Variants in CFAP44 observed in about 807,000 individuals in gnomAD.
The protein encoded by CFAP44 is cilia- and flagella-associated protein 44.
A neutral mutation model predicts 216.2 loss-of-function variants in CFAP44; 134 were observed. That is an observed-to-expected ratio of 0.62 (90% CI 0.54 to 0.72). The LOEUF is 0.72. Among genes scored for constraint, CFAP44 ranks in the 30% least tolerant of loss-of-function variants. The pLI is 0.00. For missense variants in CFAP44, 2,035 were observed against 2,182.1 expected (o/e 0.93, Z 1.34); for synonymous variants, 700 against 727.6 (o/e 0.96, Z 0.61).
intron 6 of CFAP44, among the ~76,000 whole-genome samples, chr3:113,416,299 G>C (rs1934645023): frequency 6.6e-6 from 1 of 151,950 alleles, no homozygotes; most frequent in African/African-American, 2.4e-5. Flanking sequence ...ACACCAATGG[G>C]TCTTGACTCC....
chr3:113,311,809 G>A lies in CFAP44; in HGVS notation c.4517-3541C>T, dbSNP rs896674624. The stretch of plus-strand genomic sequence containing the variant: ...TGACTTTGACCAAAAGTCTGATAGT[G>A]ATATGGACAATAAGGTCCAGGCTGA... On this transcript the variant is annotated intron_variant, in intron 28 of 34. Transcript: ENST00000393845. Among the ~76,000 whole-genome samples, 73 of 152,292 alleles carry A rather than the reference G, an allele frequency of 4.8e-4. 1 individual carries two copies. The highest frequency in any genetic ancestry group is 1.6e-3 in the African/African-American group (67 of 41,538).
At chr3:113,296,918 C>T in intron 32 of CFAP44, 33 bp from the exon 33 acceptor site, 1 of 1,536,622 alleles carries the variant, frequency 6.5e-7, no homozygotes, top group South Asian at 1.2e-5. Flanking sequence ...TCAGGTTGTT[C>T]AATGGCTCCC....
chr3:113,412,942 T>C (rs571145929), intron 6 of CFAP44, among the ~76,000 whole-genome samples: 1 of 152,194 alleles, frequency 6.6e-6, no homozygotes, highest in Non-Finnish European at 1.5e-5. Flanking sequence ...CCTTGAGGAA[T>C]CGCCATACTG....
rs1270498763 is a variant in CFAP44 at position 113,309,455 on chromosome 3, CT to C, written c.4517-1188del. Among the ~76,000 whole-genome samples the C allele has an allele frequency of 2.4e-4, 36 of 152,136 alleles. 2 individuals carry two copies. The highest frequency in any genetic ancestry group is 2.9e-5 in the Non-Finnish European group (2 of 68,032). ...ACAAAACCCCATTATAGTAGCCCCC[CT>C]GAATAAAGTCTGCCTTATTGTTTTT... On this transcript the variant is annotated intron_variant, in intron 28 of 34. Transcript: ENST00000393845.
In CFAP44 at chr3:113,441,452, C is replaced by T; in HGVS notation, c.-6+1G>A. 1 of 985,506 alleles carries T rather than the reference C, an allele frequency of 1.0e-6. No individual in the cohort carries two copies. Among genetic ancestry groups the T allele is most frequent in the East Asian group, 1.1e-4 (1 of 8,816 alleles). The allele number at this position is 985,506 out of a possible 1,614,324, so 61.0% of individuals were successfully genotyped here. A position where few individuals can be genotyped will look rare whatever the true frequency, so the allele number is the denominator to read the frequency against. On this transcript the variant is annotated splice_donor_variant, in intron 1 of 34. Transcript: ENST00000393845. LOFTEE classifies it low-confidence loss of function (5UTR_SPLICE). ...TGCCGGCTGCTGAGGTCCAAACTCA[C>T]CGAAGGTACTGACCGCCGCGGCTCC... is the stretch of plus-strand genomic sequence containing the variant.
At chr3:113,332,218 G>T (rs527933331) in intron 25 of CFAP44, among the ~76,000 whole-genome samples, 5 of 152,232 alleles carry the variant, frequency 3.3e-5, no homozygotes, top group African/African-American at 9.6e-5. Context: ...TATGTAACAT[G>T]ATGAATAAAT....
At chr3:113,409,930 C>A (rs563706327) in intron 6 of CFAP44, among the ~76,000 whole-genome samples, 2 of 152,186 alleles carry the variant, frequency 1.3e-5, no homozygotes, top group African/African-American at 4.8e-5. Flanking sequence ...AATACCATGG[C>A]CACATCAGTA....
chr3:113,379,930 A>G (rs183429293), intron 16 of CFAP44, among the ~76,000 whole-genome samples: 11 of 152,262 alleles, frequency 7.2e-5, no homozygotes, highest in Admixed American at 1.3e-4. Context: ...TCATCTATCA[A>G]TTGTCCTTTG....
intron 7 of CFAP44, among the ~76,000 whole-genome samples, chr3:113,408,073 G>T (rs1482379563): frequency 6.6e-6 from 1 of 152,162 alleles, no homozygotes; most frequent in African/African-American, 2.4e-5. Flanking sequence ...TTAAAAATCT[G>T]CTCAATTAGT....
chr3:113,287,323 G>A lies in CFAP44; in HGVS notation c.*4234C>T. 3.3e-6 allele frequency: 1 copy of A among 305,314 alleles called. No individual in the cohort carries two copies. Among genetic ancestry groups the A allele is most frequent in the South Asian group, 2.9e-5 (1 of 34,782 alleles). The allele number at this position is 305,314 out of a possible 1,614,324, so 18.9% of individuals were successfully genotyped here. A position where few individuals can be genotyped will look rare whatever the true frequency, so the allele number is the denominator to read the frequency against. ...GGAAACATTTTCCTAAGATGCCCATGAGAACAGACCAAGATGTGTACAGCA... is the reference window on the plus strand; with the variant it reads ...GGAAACATTTTCCTAAGATGCCCATAAGAACAGACCAAGATGTGTACAGCA... On this transcript the variant is annotated 3_prime_UTR_variant, in exon 35 of 35. Transcript: ENST00000393845.
chr3:113,413,366 T>C (rs893327976), intron 6 of CFAP44, among the ~76,000 whole-genome samples: 2 of 152,240 alleles, frequency 1.3e-5, no homozygotes, highest in African/African-American at 4.8e-5. Flanking sequence ...AGAAGCTCTT[T>C]AGTTTAATTA....
At chr3:113,427,394 C>T in intron 2 of CFAP44, 55 bp from the exon 3 acceptor site, 1 of 1,362,552 alleles carries the variant, frequency 7.3e-7, no homozygotes, top group Non-Finnish European at 1.0e-6. Flanking sequence ...TTTCTTATTT[C>T]TAAAGTAGCT....
At chr3:113,385,432 C>T (rs1163523124) in intron 15 of CFAP44, among the ~76,000 whole-genome samples, 1 of 152,096 alleles carries the variant, frequency 6.6e-6, no homozygotes, top group Non-Finnish European at 1.5e-5. Flanking sequence ...TGACAAGAGC[C>T]TCAAAGAAAG....
intron 28 of CFAP44, among the ~76,000 whole-genome samples, chr3:113,320,519 T>TTAATGAAGTTATATAGGTATATATA (rs1950136001): frequency 7.0e-6 from 1 of 143,802 alleles, no homozygotes; most frequent in Non-Finnish European, 1.5e-5. Flanking sequence ...TATACAGTAC[T>TTAATGAAGTTATATAGGTATATATA]TAATGAAGTT....
rs774780028 is a variant in CFAP44 at position 113,399,977 on chromosome 3, C to G, written c.1498G>C (p.Ala500Pro). Residue 500 changes from alanine to proline, a missense_variant, in exon 13 of 35, where the codon GCT becomes CCT. Ala to Pro is a conservative substitution (Grantham distance 27). Around this residue, in one of 3 missense-constraint regions of CFAP44, gnomAD observed 1,883 missense variants for 2,023.7 expected, o/e 0.93. Transcript: ENST00000393845. ...LDCSVRIYDF[A>P]SKTPLAQMKF... ...ATCTGGGCCAAAGGAGTTTTGCTAGCAAAATCATAGATTCGAACAGAGCCT... is the reference window on the plus strand; with the variant it reads ...ATCTGGGCCAAAGGAGTTTTGCTAGGAAAATCATAGATTCGAACAGAGCCT... The G allele has an allele frequency of 6.2e-7, 1 of 1,600,564 alleles. No individual in the cohort carries two copies. The highest frequency in any genetic ancestry group is 1.1e-5 in the South Asian group (1 of 87,732).
At position 113,380,932 on chromosome 3, in the gene CFAP44, A is replaced by C. The variant is rs763446288; in HGVS notation, c.2019T>G (p.Cys673Trp). The C allele has an allele frequency of 1.9e-6, 3 of 1,585,066 alleles. No individual in the cohort carries two copies. Among genetic ancestry groups the C allele is most frequent in the Admixed American group, 1.8e-5 (1 of 56,054 alleles). Residue 673 changes from cysteine (C) to tryptophan (W), a missense_variant, in exon 16 of 35, where the codon TGT becomes TGG. Physicochemically the swap from Cys to Trp is radical, Grantham distance 215 (BLOSUM62 -2). Coordinates refer to ENST00000393845, the MANE Select transcript of CFAP44 (RefSeq NM_001164496.2). ...SYEIKDMCIKCFHFSSVKSKI... is the reference protein window; with the variant it reads ...SYEIKDMCIKWFHFSSVKSKI... ...TAGATTTGACACTTGAAAAATGGAA[A>C]CATTTTATGCACATGTCTTTGATTT...
At chr3:113,352,361 A>G in intron 22 of CFAP44, among the ~76,000 whole-genome samples, 1 of 152,180 alleles carries the variant, frequency 6.6e-6, no homozygotes, top group East Asian at 1.9e-4. Flanking sequence ...CGCTCTTCAC[A>G]ATAAATCTTG....
intron 28 of CFAP44, among the ~76,000 whole-genome samples, chr3:113,320,443 TG>T (rs1950133075): frequency 8.9e-6 from 1 of 112,976 alleles, no homozygotes; most frequent in East Asian, 2.4e-4. Context: ...TTGATATATA[TG>T]ATATATATTA....
chr3:113,384,961 G>A (rs1289345346), intron 15 of CFAP44, among the ~76,000 whole-genome samples: 1 of 152,138 alleles, frequency 6.6e-6, no homozygotes, highest in Non-Finnish European at 1.5e-5. Context: ...ATCTTGAATT[G>A]TAGCCCCCAC....
Sources: allele counts gnomAD v4.1 joint callset (sites outside exome capture counted in the v4.1 genomes callset), GRCh38; gene constraint gnomAD v4.1.1; regional missense constraint gnomAD v4.1.1; transcripts MANE v1.5; gene names NCBI Gene and HGNC (gene_info 2026-07-23, HGNC 2026-07-21).